The following DCUN1D3 variants were observed in gnomAD, a reference collection of about 807,000 sequenced individuals.
The protein encoded by DCUN1D3 is defective in cullin neddylation 1 domain containing 3, also known as DCN1-like protein 3.
Under a neutral mutation model 24.8 loss-of-function variants are expected in DCUN1D3, and 6 were observed. The observed-to-expected ratio is 0.24, with a 90% CI of 0.13 to 0.48. The LOEUF (loss-of-function observed/expected upper bound fraction) is 0.48. Ranked by LOEUF, DCUN1D3 falls within the 20% of genes least tolerant of loss-of-function variation. DCUN1D3 has a pLI of 0.99. For synonymous variants in DCUN1D3, 120 were observed against 144.9 expected (o/e 0.83, Z 1.24); for missense variants, 258 against 379.4 (o/e 0.68, Z 2.66).
At chr16:20,861,904 C>G (rs1430987808) in intron 2 of DCUN1D3, among the ~76,000 whole-genome samples, 2 of 152,102 alleles carry the variant, frequency 1.3e-5, no homozygotes, top group East Asian at 3.9e-4. Flanking sequence ...TATTTTAAAC[C>G]CTTAGAGTCC....
chr16:20,882,050 C>G (rs1247352755), intron 1 of DCUN1D3, among the ~76,000 whole-genome samples: 1 of 152,090 alleles, frequency 6.6e-6, no homozygotes, highest in Non-Finnish European at 1.5e-5. Context: ...ATCTGCCCGC[C>G]TCAGCCTCCC....
At chr16:20,882,922 T>G (rs1486106713) in intron 1 of DCUN1D3, among the ~76,000 whole-genome samples, 1 of 152,208 alleles carries the variant, frequency 6.6e-6, no homozygotes, top group Non-Finnish European at 1.5e-5. Flanking sequence ...TGCTTATAGA[T>G]TTCTAACTTA....
At chr16:20,887,039 C>T (rs1380619743) in intron 1 of DCUN1D3, among the ~76,000 whole-genome samples, 1 of 152,118 alleles carries the variant, frequency 6.6e-6, no homozygotes, top group Admixed American at 6.5e-5. Flanking sequence ...GTAGGCTGGG[C>T]GCTGTGGCTC....
chr16:20,899,169 T>C (rs1003651782), intron 1 of DCUN1D3, among the ~76,000 whole-genome samples: 2 of 152,224 alleles, frequency 1.3e-5, no homozygotes, highest in African/African-American at 4.8e-5. Context: ...AAAAGTAATA[T>C]GGGGTTTTCT....
intron 1 of DCUN1D3, among the ~76,000 whole-genome samples, chr16:20,877,852 T>C (rs1294918187): frequency 1.3e-5 from 2 of 152,220 alleles, no homozygotes; most frequent in Non-Finnish European, 2.9e-5. Flanking sequence ...CAGAGTGCAG[T>C]GGTGCAATCA....
At chr16:20,881,001 G>A (rs1437697121) in intron 1 of DCUN1D3, among the ~76,000 whole-genome samples, 4 of 152,028 alleles carry the variant, frequency 2.6e-5, no homozygotes, top group Non-Finnish European at 5.9e-5. Flanking sequence ...AGCATACTCC[G>A]ATAGAGTGGT....
At chr16:20,887,862 G>A (rs961333889) in intron 1 of DCUN1D3, among the ~76,000 whole-genome samples, 8 of 152,220 alleles carry the variant, frequency 5.3e-5, no homozygotes, top group African/African-American at 1.9e-4. Context: ...TCCTGGATCA[G>A]TTTCCCAATT....
At chr16:20,888,054 A>G (rs889545352) in intron 1 of DCUN1D3, among the ~76,000 whole-genome samples, 2 of 152,198 alleles carry the variant, frequency 1.3e-5, no homozygotes, top group African/African-American at 4.8e-5. Context: ...TTTATTTTCA[A>G]ATGATACATA....
intron 1 of DCUN1D3, among the ~76,000 whole-genome samples, chr16:20,898,278 A>C (rs1374996791): frequency 6.6e-6 from 1 of 152,220 alleles, no homozygotes; most frequent in Non-Finnish European, 1.5e-5. Context: ...ATCTACAGTT[A>C]AGACACTTTC....
intron 1 of DCUN1D3, among the ~76,000 whole-genome samples, chr16:20,871,217 C>T (rs745531942): frequency 6.6e-6 from 1 of 152,158 alleles, no homozygotes; most frequent in Non-Finnish European, 1.5e-5. Flanking sequence ...AAACGAGACC[C>T]GTCTGCTTCT....
Position 20,858,587 on chromosome 16 carries a change from G to A in DCUN1D3, c.*1299C>T, listed in dbSNP as rs2081713653. The A allele has an allele frequency of 6.7e-6, 1 of 148,756 alleles. No individual in the cohort carries two copies. The highest frequency in any genetic ancestry group is 2.5e-5 in the African/African-American group (1 of 40,466). The allele number at this position is 148,756 out of a possible 1,614,324, so 9.2% of individuals were successfully genotyped here. ...TTTATATATGTATATATACATATTT[G>A]GGGGTAGGGAAAGGAGAGGAGGGTC... is the stretch of plus-strand genomic sequence containing the variant. On this transcript the variant is annotated 3_prime_UTR_variant, in exon 3 of 3. Transcript: ENST00000324344.
chr16:20,873,506 G>T (rs748672132), intron 1 of DCUN1D3, among the ~76,000 whole-genome samples: 27 of 152,226 alleles, frequency 1.8e-4, no homozygotes, highest in Non-Finnish European at 3.2e-4. Flanking sequence ...GCTGGATTTA[G>T]TGTGAAGACT....
At chr16:20,870,177 C>A (rs2081781144) in intron 1 of DCUN1D3, among the ~76,000 whole-genome samples, 1 of 152,202 alleles carries the variant, frequency 6.6e-6, no homozygotes, top group Admixed American at 6.5e-5. Flanking sequence ...TATTCTGGGA[C>A]TACTTCACCT....
chr16:20,867,056 G>GAT (rs1290071375), intron 1 of DCUN1D3, among the ~76,000 whole-genome samples: 1 of 152,224 alleles, frequency 6.6e-6, no homozygotes, highest in Non-Finnish European at 1.5e-5. Flanking sequence ...TTGAGCACTT[G>GAT]ATACGGTGCC....
chr16:20,879,318 T>A (rs2081831262), intron 1 of DCUN1D3, among the ~76,000 whole-genome samples: 1 of 152,182 alleles, frequency 6.6e-6, no homozygotes, highest in South Asian at 2.1e-4. Flanking sequence ...TCCGCTTGTG[T>A]CAAATGATGG....
At chr16:20,870,256 T>C (rs1415769257) in intron 1 of DCUN1D3, among the ~76,000 whole-genome samples, 1 of 152,174 alleles carries the variant, frequency 6.6e-6, no homozygotes, top group African/African-American at 2.4e-5. Flanking sequence ...TTTGCCTCCT[T>C]GGTGAACAGA....
At chr16:20,874,996 A>G (rs1596633834) in intron 1 of DCUN1D3, among the ~76,000 whole-genome samples, 2 of 152,132 alleles carry the variant, frequency 1.3e-5, no homozygotes, top group African/African-American at 2.4e-5. Context: ...GTTCCTGCCC[A>G]CTTCCCACCC....
chr16:20,860,494 C>CT lies in DCUN1D3; in HGVS notation c.432-126dup. ...TGAATTTGAATTCTAACTCCTCCAA[C>CT]TAATTAGTCCTATTTCCTTACTTGT... On this transcript the variant is annotated intron_variant, in intron 2 of 2. Transcript: ENST00000324344. This position sits in a 1 kb window ranked among gnomAD's most constrained non-coding sequence, Gnocchi z 4.3. The CT allele has an allele frequency of 5.1e-6, 5 of 975,596 alleles. No individual in the cohort carries two copies. Among genetic ancestry groups the CT allele is most frequent in the Non-Finnish European group, 7.4e-6 (5 of 678,376 alleles). The allele number at this position is 975,596 out of a possible 1,614,324, so 60.4% of individuals were successfully genotyped here.
At position 20,859,556 on chromosome 16, in the gene DCUN1D3, A is replaced by AC. The variant is rs1567420397; in HGVS notation, c.*329_*330insG. The AC allele has an allele frequency of 1.1e-5, 2 of 181,698 alleles. No homozygotes were observed. The highest frequency in any genetic ancestry group is 6.2e-5 in the Admixed American group (1 of 16,014). The allele number at this position is 181,698 out of a possible 1,614,324, so 11.3% of individuals were successfully genotyped here. A position where few individuals can be genotyped will look rare whatever the true frequency, so the allele number is the denominator to read the frequency against. On this transcript the variant is annotated 3_prime_UTR_variant, in exon 3 of 3. Coordinates refer to ENST00000324344, the MANE Select transcript of DCUN1D3 (RefSeq NM_173475.4). ...CTCCCCTACCAAAAAAAAAAAAAAA[A>AC]AAACAAAAAAAAACAAAAAAAAAAC... is the stretch of plus-strand genomic sequence containing the variant.
Sources: allele counts gnomAD v4.1 joint callset (sites outside exome capture counted in the v4.1 genomes callset), GRCh38; gene constraint gnomAD v4.1.1; non-coding constraint Gnocchi (gnomAD v3.1); transcripts MANE v1.5; gene names NCBI Gene and HGNC (gene_info 2026-07-23, HGNC 2026-07-21).